Variants in SLBP observed in about 807,000 individuals in gnomAD.
SLBP encodes the protein histone RNA hairpin-binding protein.
In SLBP, 29 loss-of-function variants were observed where a neutral mutation model predicts 39.2. The ratio of observed to expected loss-of-function variants is 0.74; its 90% CI spans 0.55 to 1.01. SLBP has a LOEUF of 1.01. Ranked by LOEUF, SLBP falls within the 50% of genes least tolerant of loss-of-function variation. SLBP has a pLI of 0.00. For synonymous variants in SLBP, 129 were observed against 118.7 expected (o/e 1.09, Z -0.57); for missense variants, 390 against 350.2 (o/e 1.11, Z -0.91).
chr4:1,709,247 G>A (rs776332453), intron 2 of SLBP, among the ~76,000 whole-genome samples: 23 of 152,064 alleles, frequency 1.5e-4, no homozygotes, highest in Non-Finnish European at 2.6e-4. Flanking sequence ...ATTTTTAGTA[G>A]AGATGGGGTG....
chr4:1,710,492 A>G (rs748366867), intron 2 of SLBP, among the ~76,000 whole-genome samples: 13 of 152,252 alleles, frequency 8.5e-5, no homozygotes, highest in African/African-American at 2.7e-4. Context: ...TGTTAAGGAC[A>G]TACCTAGAAG....
chr4:1,700,655 G>T (rs1560248720), intron 3 of SLBP, among the ~76,000 whole-genome samples: 1 of 151,912 alleles, frequency 6.6e-6, no homozygotes, highest in South Asian at 2.1e-4. Flanking sequence ...ATATTCCTGG[G>T]CTGAAGCAAT....
At chr4:1,711,236 C>T (rs994592014) in intron 2 of SLBP, among the ~76,000 whole-genome samples, 1 of 151,768 alleles carries the variant, frequency 6.6e-6, no homozygotes, top group African/African-American at 2.4e-5. Context: ...TATCCCGAAC[C>T]ACGCATTTCC....
rs150376228 is a variant in SLBP at position 1,697,552 on chromosome 4, C to T, written c.480-1201G>A. ...AAAAAAATTAAAAAATTAAAAAGCA[C>T]TATCCGGGCCGGGTGCGGTGGCTCA... On this transcript the variant is annotated intron_variant, in intron 5 of 7. Transcript: ENST00000489418. 3.3e-5 allele frequency among the ~76,000 whole-genome samples: 5 copies of T among 150,414 alleles called. No individual in the cohort carries two copies. The East Asian group carries it at 1.0e-3, about 30-fold the overall frequency.
intron 5 of SLBP, among the ~76,000 whole-genome samples, chr4:1,697,550 C>T (rs760292307): frequency 1.3e-5 from 2 of 150,580 alleles, no homozygotes; most frequent in Non-Finnish European, 3.0e-5. Flanking sequence ...AATTAAAAAG[C>T]ACTATCCGGG....
intron 7 of SLBP, 88 bp downstream of exon 7, chr4:1,694,686 C>G (rs1716040453): frequency 1.0e-6 from 1 of 968,258 alleles, no homozygotes; most frequent in Non-Finnish European, 1.7e-6. Context: ...CCACCGTGCC[C>G]AGTCCAAACT....
chr4:1,708,788 C>T (rs1028422881), intron 2 of SLBP, among the ~76,000 whole-genome samples: 3 of 152,228 alleles, frequency 2.0e-5, no homozygotes, highest in African/African-American at 4.8e-5. Flanking sequence ...TATCCATCAA[C>T]GAGCTGGCTC....
chr4:1,697,776 G>A (rs930713470), intron 5 of SLBP, among the ~76,000 whole-genome samples: 37 of 152,204 alleles, frequency 2.4e-4, no homozygotes, highest in African/African-American at 7.2e-4. Context: ...CCTGGGAGGC[G>A]GAGGTTGCGG....
chr4:1,696,908 AAAAC>A (rs1716128386), intron 5 of SLBP, among the ~76,000 whole-genome samples: 1 of 151,630 alleles, frequency 6.6e-6, no homozygotes, highest in South Asian at 2.1e-4. Flanking sequence ...AAAAAAAAAA[AAAAC>A]AAACGCTGCT....
intron 2 of SLBP, among the ~76,000 whole-genome samples, chr4:1,708,033 C>T (rs1024921372): frequency 2.0e-5 from 3 of 149,534 alleles, no homozygotes; most frequent in East Asian, 3.9e-4. Flanking sequence ...GAGCTGAGAT[C>T]GCGCCACTGC....
chr4:1,711,910 T>A lies in SLBP; in HGVS notation c.140A>T (p.Glu47Val). The A allele has an allele frequency of 7.3e-7, 1 of 1,366,022 alleles. No homozygotes were observed. The highest frequency in any genetic ancestry group is 9.4e-7 in the Non-Finnish European group (1 of 1,058,556). 84.6% of individuals were successfully genotyped at this position (1,366,022 alleles called of 1,614,324 possible). The change falls in exon 2 of 8, where the codon GAG (glutamate) becomes GTG (valine). Residue 47 changes from glutamate (E) to valine (V), a missense_variant. Coordinates refer to ENST00000489418, the MANE Select transcript of SLBP (RefSeq NM_006527.4). Reference sequence around the variant, plus strand: ...GCGCTCGGCGCCGCGGTGCTCTGCCTCCTCGGCGTCTTCGGGCCTCCAGCG... The same window carrying A: ...GCGCTCGGCGCCGCGGTGCTCTGCCACCTCGGCGTCTTCGGGCCTCCAGCG... ...GRRWRPEDAE[E>V]AEHRGAERRP...
Position 1,693,279 on chromosome 4 carries a change from G to A in SLBP, c.*318C>T, listed in dbSNP as rs1715984028. ...CACCTGACAAGCAATAACTGAAGAT[G>A]CCTGTGGAAAACCAGTTATGTAGAC... On this transcript the variant is annotated 3_prime_UTR_variant, in exon 8 of 8. Coordinates refer to ENST00000489418, the MANE Select transcript of SLBP (RefSeq NM_006527.4). 4.3e-6 allele frequency: 1 copy of A among 233,438 alleles called. No homozygotes were observed. Among genetic ancestry groups the A allele is most frequent in the Non-Finnish European group, 8.5e-6 (1 of 117,478 alleles). The allele number at this position is 233,438 out of a possible 1,614,324, so 14.5% of individuals were successfully genotyped here.
intron 2 of SLBP, among the ~76,000 whole-genome samples, chr4:1,707,866 G>C (rs1190179968): frequency 6.6e-6 from 1 of 152,030 alleles, no homozygotes; most frequent in Admixed American, 6.6e-5. Context: ...TGATCACTAA[G>C]TCAGGAGTTC....
intron 2 of SLBP, among the ~76,000 whole-genome samples, chr4:1,709,125 G>A (rs1236093993): frequency 3.3e-5 from 5 of 151,376 alleles, no homozygotes; most frequent in Non-Finnish European, 7.4e-5. Context: ...AGGCAATGGC[G>A]TGATCTCGGC....
intron 5 of SLBP, among the ~76,000 whole-genome samples, chr4:1,697,213 A>T (rs1716143171): frequency 6.7e-6 from 1 of 149,852 alleles, no homozygotes; most frequent in African/African-American, 2.5e-5. Flanking sequence ...TCACGCTGTA[A>T]TCCCAGCACT....
At chr4:1,700,505 G>A (rs1716285036) in intron 3 of SLBP, among the ~76,000 whole-genome samples, 1 of 151,086 alleles carries the variant, frequency 6.6e-6, no homozygotes, top group Non-Finnish European at 1.5e-5. Flanking sequence ...TCCAAAAGGA[G>A]TCTAGCGCAA....
intron 5 of SLBP, among the ~76,000 whole-genome samples, chr4:1,699,047 G>A (rs1577179734): frequency 6.6e-6 from 1 of 152,148 alleles, no homozygotes; most frequent in African/African-American, 2.4e-5. Context: ...CCAAAGTGCT[G>A]GAATTACAAG....
Position 1,694,788 on chromosome 4 carries a change from A to T in SLBP, c.682T>A (p.Ser228Thr). Residue 228 changes from serine to threonine, a missense_variant, in exon 7 of 8, where the codon TCT becomes ACT. Coordinates refer to ENST00000489418, the MANE Select transcript of SLBP (RefSeq NM_006527.4). ...AAAGTACTTACAAAGTCATCCTGAG[A>T]GCTGGTCTGGGGCTCGGAGCTGCTT... ...AESSSEPQTS[S>T]QDDFDVYSGT... 1 of 1,613,084 alleles carries T rather than the reference A, an allele frequency of 6.2e-7. No homozygotes were observed. Among genetic ancestry groups the T allele is most frequent in the Non-Finnish European group, 8.5e-7 (1 of 1,178,994 alleles).
chr4:1,701,678 G>A (rs891274561), intron 3 of SLBP, among the ~76,000 whole-genome samples: 19 of 152,084 alleles, frequency 1.2e-4, no homozygotes, highest in African/African-American at 4.3e-4. Flanking sequence ...AGGCCGAGGC[G>A]GGCAAATCAC....
Sources: gnomAD v4.1 joint callset for allele counts (sites outside exome capture counted in the v4.1 genomes callset) on GRCh38, gnomAD v4.1.1 for gene constraint, MANE v1.5 for transcripts, NCBI Gene and HGNC (gene_info 2026-07-23, HGNC 2026-07-21) for gene names.